DIAPH1: variants seen among roughly 807,000 people sequenced by gnomAD.
DIAPH1 encodes diaphanous related formin 1, also known as protein diaphanous homolog 1.
A neutral mutation model predicts 140.7 loss-of-function variants in DIAPH1; 46 were observed. The ratio of observed to expected loss-of-function variants is 0.33; its 90% CI spans 0.26 to 0.42. The LOEUF is 0.42. Ranked by LOEUF, DIAPH1 falls within the 10% of genes least tolerant of loss-of-function variation. The probability of loss-of-function intolerance (pLI) is 1.00; values close to 1 mark genes in which losing one functional copy is unlikely to be tolerated. For synonymous variants in DIAPH1, 565 were observed against 551.6 expected, an observed-to-expected ratio of 1.02 and a Z score of -0.34; for missense variants, 1,310 against 1,558.7, an observed-to-expected ratio of 0.84 and a Z score of 2.69.
chr5:141,576,187 G>A, intron 14 of DIAPH1, 43 bp downstream of exon 14: 2 of 1,439,340 alleles, frequency 1.4e-6, no homozygotes, highest in Non-Finnish European at 2.0e-6. Context: ...AATTCTCAAA[G>A]AAAGATATAC....
Position 141,618,867 on chromosome 5 carries a change from G to A in DIAPH1, c.48C>T (p.Asp16=). 1 of 1,524,704 alleles carries A rather than the reference G, an allele frequency of 6.6e-7. No homozygotes were observed. The highest frequency in any genetic ancestry group is 8.8e-7 in the Non-Finnish European group (1 of 1,135,954). The allele number at this position is 1,524,704 out of a possible 1,614,324, so 94.4% of individuals were successfully genotyped here. A position where few individuals can be genotyped will look rare whatever the true frequency, so the allele number is the denominator to read the frequency against. ...CATCTGGGCTCCGGCCCTTCTTCTT[G>A]TCCCGGGTCCCGCGGCCGGGCCCCA... is the stretch of plus-strand genomic sequence containing the variant. ...GSLGPGRGTR[D]KKKGRSPDEL... Residue 16 remains aspartate (D), a synonymous_variant, in exon 1 of 28, where the codon GAC becomes GAT. Transcript: ENST00000389054.
chr5:141,566,110 G>A (rs2099894327), intron 18 of DIAPH1, among the ~76,000 whole-genome samples: 1 of 152,116 alleles, frequency 6.6e-6, no homozygotes, highest in Admixed American at 6.6e-5. Flanking sequence ...GTGAAATGCT[G>A]GTAGGACAAA....
intron 18 of DIAPH1, among the ~76,000 whole-genome samples, chr5:141,560,371 AC>A (rs2099893328): frequency 6.6e-6 from 1 of 152,112 alleles, no homozygotes; most frequent in Admixed American, 6.5e-5. Context: ...ACTCCCTTTC[AC>A]TAAGTGCTGG....
chr5:141,515,172 G>A lies in DIAPH1; in HGVS notation c.*1679C>T, dbSNP rs550035293. The stretch of plus-strand genomic sequence containing the variant: ...CTTTTTTTTTATTAAATGCATCTTA[G>A]CAAAAGTAGATTAAAAAAGAAAGGG... On this transcript the variant is annotated 3_prime_UTR_variant, in exon 28 of 28. Transcript: ENST00000389054. 9.4e-4 allele frequency: 144 copies of A among 152,390 alleles called. No homozygotes were observed. Among genetic ancestry groups the A allele is most frequent in the Middle Eastern group, 3.4e-3 (1 of 294 alleles). The allele number at this position is 152,390 out of a possible 1,614,324, so 9.4% of individuals were successfully genotyped here. A position where few individuals can be genotyped will look rare whatever the true frequency, so the allele number is the denominator to read the frequency against.
intron 1 of DIAPH1, among the ~76,000 whole-genome samples, chr5:141,616,239 T>C (rs1318007084): frequency 6.6e-6 from 1 of 152,324 alleles, no homozygotes; most frequent in Admixed American, 6.5e-5. Context: ...AGAGCAGATC[T>C]CAGACAATTT....
chr5:141,594,846 G>A (rs2099899055), intron 1 of DIAPH1, among the ~76,000 whole-genome samples: 2 of 150,958 alleles, frequency 1.3e-5, no homozygotes, highest in African/African-American at 4.9e-5. Context: ...TTTGAGACCA[G>A]CCTGGCCAAC....
At chr5:141,615,895 T>C (rs1441043588) in intron 1 of DIAPH1, among the ~76,000 whole-genome samples, 1 of 152,258 alleles carries the variant, frequency 6.6e-6, no homozygotes, top group Non-Finnish European at 1.5e-5. Flanking sequence ...ATCCCGGTTC[T>C]ACTTATTCCC....
chr5:141,544,713 AC>A (rs2099890525), intron 18 of DIAPH1, among the ~76,000 whole-genome samples: 2 of 152,242 alleles, frequency 1.3e-5, no homozygotes, highest in South Asian at 4.1e-4. Flanking sequence ...ATCACTAAAA[AC>A]AAAACCAAAC....
chr5:141,557,548 A>AG (rs1736683377), intron 18 of DIAPH1, among the ~76,000 whole-genome samples: 1 of 152,146 alleles, frequency 6.6e-6, no homozygotes, highest in Non-Finnish European at 1.5e-5. Context: ...GCTAAGTGAA[A>AG]GGGGTTCCTT....
intron 24 of DIAPH1, among the ~76,000 whole-genome samples, chr5:141,527,264 GT>G (rs2099887501): frequency 6.6e-6 from 1 of 151,998 alleles, no homozygotes; most frequent in Non-Finnish European, 1.5e-5. Flanking sequence ...GTTACAAAAA[GT>G]TTAGCAGGGC....
intron 18 of DIAPH1, among the ~76,000 whole-genome samples, chr5:141,539,550 G>A (rs1205087953): frequency 2.0e-5 from 3 of 151,638 alleles, no homozygotes; most frequent in Admixed American, 6.6e-5. Context: ...GATTACAGGC[G>A]TGAGCCACCG....
chr5:141,583,953 T>C (rs1406801496), intron 4 of DIAPH1, among the ~76,000 whole-genome samples, 171 bp downstream of exon 4: 2 of 152,046 alleles, frequency 1.3e-5, no homozygotes, highest in African/African-American at 4.8e-5. Flanking sequence ...CCAGGCAAAA[T>C]GTATGTAAGA....
chr5:141,539,800 T>A (rs2099889688), intron 18 of DIAPH1, among the ~76,000 whole-genome samples: 1 of 152,130 alleles, frequency 6.6e-6, no homozygotes, highest in South Asian at 2.1e-4. Flanking sequence ...TTCATTCTGA[T>A]TCAAGTCTCT....
intron 18 of DIAPH1, chr5:141,560,819 G>A: frequency 2.2e-6 from 1 of 456,134 alleles, no homozygotes; most frequent in Non-Finnish European, 4.4e-6. Flanking sequence ...AGAACAGATG[G>A]AATAAACTCC....
intron 18 of DIAPH1, among the ~76,000 whole-genome samples, chr5:141,569,672 G>C (rs549088093): frequency 8.3e-4 from 127 of 152,214 alleles, no homozygotes; most frequent in African/African-American, 3.0e-3. Flanking sequence ...TGAGGCAGGA[G>C]AATCCCTTGA....
chr5:141,568,682 G>T (rs538074485), intron 18 of DIAPH1, among the ~76,000 whole-genome samples: 1 of 152,186 alleles, frequency 6.6e-6, no homozygotes, highest in Non-Finnish European at 1.5e-5. Context: ...AATGTGCAGA[G>T]TGAGGCAGGT....
At chr5:141,556,659 C>G (rs1017756753) in intron 18 of DIAPH1, among the ~76,000 whole-genome samples, 3 of 152,164 alleles carry the variant, frequency 2.0e-5, no homozygotes, top group African/African-American at 7.2e-5. Context: ...TGTATCTTCT[C>G]AGTCCCAACC....
In DIAPH1 at chr5:141,529,285, A is replaced by T; in HGVS notation, c.2677-12T>A. The T allele has an allele frequency of 6.2e-7, 1 of 1,607,638 alleles. No homozygotes were observed. Among genetic ancestry groups the T allele is most frequent in the Non-Finnish European group, 8.5e-7 (1 of 1,174,066 alleles). ...TGCTTAATGAGGTTCTGAAAGACAG[A>T]AGAGACATCTCAGCTGGAGGGGAAT... On this transcript the variant is annotated splice_polypyrimidine_tract_variant and intron_variant, in intron 20 of 27. Transcript: ENST00000389054.
At chr5:141,586,346 C>T (rs979424003) in intron 3 of DIAPH1, among the ~76,000 whole-genome samples, 1 of 152,174 alleles carries the variant, frequency 6.6e-6, no homozygotes, top group Non-Finnish European at 1.5e-5. Flanking sequence ...GGATTTTAAA[C>T]CTAAGCTTTT....
Sources: gnomAD v4.1 joint callset for allele counts (sites outside exome capture counted in the v4.1 genomes callset) on GRCh38, gnomAD v4.1.1 for gene constraint, MANE v1.5 for transcripts, NCBI Gene and HGNC (gene_info 2026-07-23, HGNC 2026-07-21) for gene names.